CRTAC1: variants seen among roughly 807,000 people sequenced by gnomAD.
The protein encoded by CRTAC1 is cartilage acidic protein 1, also known as acidic secreted protein in cartilage.
CRTAC1 carries 37 observed loss-of-function variants against 67.8 expected under a neutral mutation model. That is an observed-to-expected ratio of 0.55 (90% CI 0.42 to 0.72). CRTAC1 has a LOEUF of 0.72. Among genes scored for constraint, CRTAC1 ranks in the 30% least tolerant of loss-of-function variants. The pLI, the probability that CRTAC1 is intolerant of heterozygous loss-of-function variation, is 0.00. For synonymous variants in CRTAC1, 348 were observed against 371.0 expected, an observed-to-expected ratio of 0.94 and a Z score of 0.71; for missense variants, 780 against 931.6, an observed-to-expected ratio of 0.84 and a Z score of 2.12.
At chr10:98,001,720 C>T (rs567986791) in intron 2 of CRTAC1, among the ~76,000 whole-genome samples, 5 of 152,274 alleles carry the variant, frequency 3.3e-5, no homozygotes, top group African/African-American at 1.2e-4. Context: ...GAGCATGGTA[C>T]AAATCTGAAG....
intron 2 of CRTAC1, among the ~76,000 whole-genome samples, chr10:97,997,001 C>T (rs868171300): frequency 3.4e-4 from 50 of 145,238 alleles, no homozygotes; most frequent in South Asian, 2.4e-3. Flanking sequence ...AACCAAACAC[C>T]GCATGTTCTC....
chr10:97,926,898 G>C (rs1244494293), intron 3 of CRTAC1, among the ~76,000 whole-genome samples: 1 of 152,100 alleles, frequency 6.6e-6, no homozygotes. Flanking sequence ...CAGGCTTCTG[G>C]GTCTCCAGCC....
At chr10:97,878,736 G>T (rs1314546701) in intron 14 of CRTAC1, 1 of 1,299,380 alleles carries the variant, frequency 7.7e-7, no homozygotes, top group Non-Finnish European at 1.0e-6. Context: ...TGTCCAGCCA[G>T]ACATTGAGGA....
chr10:97,958,257 C>G (rs1190073624), intron 2 of CRTAC1, among the ~76,000 whole-genome samples: 1 of 152,202 alleles, frequency 6.6e-6, no homozygotes, highest in African/African-American at 2.4e-5. Flanking sequence ...TCTGTACATT[C>G]TCAGGCTGGG....
At chr10:97,889,104 A>G (rs1231619356) in intron 11 of CRTAC1, among the ~76,000 whole-genome samples, 3 of 120,558 alleles carry the variant, frequency 2.5e-5, no homozygotes, top group Admixed American at 9.6e-5. Flanking sequence ...CACCAGCAAT[A>G]CCAGGGGCAG....
intron 13 of CRTAC1, among the ~76,000 whole-genome samples, chr10:97,882,189 G>A (rs1220939243): frequency 1.3e-5 from 2 of 152,212 alleles, no homozygotes; most frequent in African/African-American, 4.8e-5. Context: ...TCACTGGGAT[G>A]GAAAGTGTTG....
intron 2 of CRTAC1, among the ~76,000 whole-genome samples, chr10:97,944,671 C>G (rs2051236335): frequency 6.6e-6 from 1 of 152,112 alleles, no homozygotes; most frequent in African/African-American, 2.4e-5. Context: ...TTTGGGCTGG[C>G]TTTGTGATTT....
intron 5 of CRTAC1, among the ~76,000 whole-genome samples, chr10:97,916,350 C>G (rs1169535584): frequency 6.6e-6 from 1 of 152,194 alleles, no homozygotes; most frequent in Non-Finnish European, 1.5e-5. Context: ...GCGCGGAGCT[C>G]TCAGGCACTT....
intron 2 of CRTAC1, among the ~76,000 whole-genome samples, chr10:97,998,720 G>A (rs182984545): frequency 4.1e-4 from 62 of 152,118 alleles, no homozygotes; most frequent in African/African-American, 1.5e-3. Flanking sequence ...AAAAAAAAAT[G>A]TAAAAACATT....
At chr10:97,891,366 C>A (rs1339257539) in intron 11 of CRTAC1, among the ~76,000 whole-genome samples, 1 of 152,258 alleles carries the variant, frequency 6.6e-6, no homozygotes, top group Non-Finnish European at 1.5e-5. Context: ...CCAAGCCAGC[C>A]CAACTCCTAG....
chr10:97,879,966 G>A (rs1015422745), intron 14 of CRTAC1, among the ~76,000 whole-genome samples: 8 of 152,092 alleles, frequency 5.3e-5, no homozygotes, highest in African/African-American at 1.7e-4. Context: ...ATGAAAATAC[G>A]GGCTGACCTC....
intron 2 of CRTAC1, among the ~76,000 whole-genome samples, chr10:98,005,098 A>ATTTT (rs1347220699): frequency 6.8e-4 from 26 of 38,182 alleles, no homozygotes; most frequent in South Asian, 2.9e-3. Flanking sequence ...ATATATATAT[A>ATTTT]TATTTTTTTT....
At chr10:97,886,074 C>A (rs1395693559) in intron 11 of CRTAC1, among the ~76,000 whole-genome samples, 1 of 152,152 alleles carries the variant, frequency 6.6e-6, no homozygotes, top group Non-Finnish European at 1.5e-5. Context: ...GGTTTGGAGG[C>A]CACATGCAGA....
chr10:97,996,340 A>G (rs1338908150), intron 2 of CRTAC1, among the ~76,000 whole-genome samples: 2 of 150,664 alleles, frequency 1.3e-5, no homozygotes, highest in Admixed American at 6.6e-5. Context: ...CTCATCTGAC[A>G]AAGGGCTAAT....
Position 97,953,817 on chromosome 10 carries a change from A to C in CRTAC1, c.225-17451T>G, listed in dbSNP as rs2051398199. Among the ~76,000 whole-genome samples, 4 of 152,154 alleles carry C rather than the reference A, an allele frequency of 2.6e-5. No homozygotes were observed. The South Asian group carries it at 8.3e-4, about 32-fold the overall frequency. ...AACCATAATGTGTTATTTTCCTCCT[A>C]TTCATGAGCAAACATATTATTTCAA... On this transcript the variant is annotated intron_variant, in intron 2 of 14. Transcript: ENST00000370597.
rs543664645 is a variant in CRTAC1 at position 97,952,179 on chromosome 10, C to A, written c.225-15813G>T. On this transcript the variant is annotated intron_variant, in intron 2 of 14. Transcript: ENST00000370597. ...CAGCCTGGCTAACACGGTGAAACCC[C>A]ATCTCTACTAAAAATACAAAAAATT... Among the ~76,000 whole-genome samples, 3 of 152,024 alleles carry A rather than the reference C, an allele frequency of 2.0e-5. No individual in the cohort carries two copies. The South Asian group carries it at 6.2e-4, about 32-fold the overall frequency.
In CRTAC1 at chr10:97,975,499, G is replaced by A. The variant is rs1458086016; in HGVS notation, c.224+35639C>T. ...CAGCTGGAAGACTCAACATCTCTTG[G>A]CATCCAAGAGCAGAAAGAGGATTAC... On this transcript the variant is annotated intron_variant, in intron 2 of 14. Coordinates refer to ENST00000370597, the MANE Select transcript of CRTAC1 (RefSeq NM_018058.7). This position sits in a 1 kb window ranked among gnomAD's most constrained non-coding sequence, Gnocchi z 4.8. 6.6e-6 allele frequency among the ~76,000 whole-genome samples: 1 copy of A among 152,138 alleles called. No homozygotes were observed. The highest frequency in any genetic ancestry group is 2.4e-5 in the African/African-American group (1 of 41,418).
At chr10:98,014,360 A>T (rs1323783319) in intron 1 of CRTAC1, among the ~76,000 whole-genome samples, 1 of 152,202 alleles carries the variant, frequency 6.6e-6, no homozygotes, top group East Asian at 1.9e-4. Flanking sequence ...TTGGCTGTGC[A>T]TTGGAATCAT....
chr10:97,925,316 A>G (rs998232298), intron 3 of CRTAC1, among the ~76,000 whole-genome samples: 1 of 152,064 alleles, frequency 6.6e-6, no homozygotes, highest in African/African-American at 2.4e-5. Context: ...TGCGTGAGAA[A>G]AAGTGTAAGC....
Sources: allele counts gnomAD v4.1 joint callset (sites outside exome capture counted in the v4.1 genomes callset), GRCh38; gene constraint gnomAD v4.1.1; non-coding constraint Gnocchi (gnomAD v3.1); transcripts MANE v1.5; gene names NCBI Gene and HGNC (gene_info 2026-07-23, HGNC 2026-07-21).